The following HADHA variants were observed in gnomAD, a reference collection of about 807,000 sequenced individuals.
HADHA encodes the protein hydroxyacyl-CoA dehydrogenase trifunctional multienzyme complex subunit alpha, also known as trifunctional enzyme subunit alpha, mitochondrial.
A neutral mutation model predicts 91.3 loss-of-function variants in HADHA; 59 were observed. That is an observed-to-expected ratio of 0.65 (90% CI 0.52 to 0.80). The LOEUF (loss-of-function observed/expected upper bound fraction) is 0.80. Among genes scored for constraint, HADHA ranks in the 30% least tolerant of loss-of-function variants. The probability of loss-of-function intolerance (pLI) is 0.00; values close to 1 mark genes in which losing one functional copy is unlikely to be tolerated. For synonymous variants in HADHA, 320 were observed against 338.9 expected, an observed-to-expected ratio of 0.94 and a Z score of 0.61; for missense variants, 800 against 927.6, an observed-to-expected ratio of 0.86 and a Z score of 1.79.
chr2:26,224,953 T>C (rs1670452785), intron 7 of HADHA, among the ~76,000 whole-genome samples: 1 of 152,218 alleles, frequency 6.6e-6, no homozygotes, highest in South Asian at 2.1e-4. Flanking sequence ...ACAAGTATTA[T>C]GAACAGCTTT....
intron 7 of HADHA, among the ~76,000 whole-genome samples, chr2:26,224,618 T>C (rs555591147): frequency 3.9e-5 from 6 of 152,342 alleles, no homozygotes; most frequent in Admixed American, 1.3e-4. Context: ...CATCCTCTTC[T>C]AGGGAAAGGA....
rs149021400 is a variant in HADHA, at chr2:26,193,668, A to G, written c.1794T>C (p.His598=). ...AGACTTTGCCCAGATCTTCCGCCAC[A>G]TGTTTCGCTACATCCACACCAACTT... ...VDEVGVDVAK[H]VAEDLGKVFG... is the part of the protein sequence containing the mutation. Residue 598 remains histidine (H), a synonymous_variant, in exon 17 of 20, where the codon CAT becomes CAC. Transcript: ENST00000380649. 59 of 1,613,786 alleles carry G rather than the reference A, an allele frequency of 3.7e-5. No individual in the cohort carries two copies. The highest frequency in any genetic ancestry group is 5.0e-5 in the Admixed American group (3 of 59,988).
chr2:26,233,026 A>T lies in HADHA; in HGVS notation c.454-747T>A, dbSNP rs577745612. Among the ~76,000 whole-genome samples the T allele has an allele frequency of 5.3e-5, 8 of 152,264 alleles. No homozygotes were observed. The South Asian group carries it at 1.7e-3, about 32-fold the overall frequency. ...CTGTTCCACTTCAAATCATCAGGCA[A>T]TAGAGGCCAATGGAGTGCGCAACCT... On this transcript the variant is annotated intron_variant, in intron 5 of 19. Transcript: ENST00000380649.
rs2289019 is a variant in HADHA, at chr2:26,197,940, G to C, written c.1393-163C>G. Among the ~76,000 whole-genome samples, 125,161 of 152,220 alleles carry C rather than the reference G, an allele frequency of 0.82. 51,823 individuals are homozygous for C. Among genetic ancestry groups the C allele is most frequent in the African/African-American group, 0.93 (38,763 of 41,552 alleles). ...CAGACATTGACGGATCACCTAGGGG[G>C]TTTTGTGTCGGGGAATATGTTGACC... On this transcript the variant is annotated intron_variant, in intron 13 of 19. Transcript: ENST00000380649.
intron 5 of HADHA, among the ~76,000 whole-genome samples, chr2:26,233,441 T>A (rs1413695785): frequency 1.3e-5 from 2 of 152,250 alleles, no homozygotes; most frequent in African/African-American, 4.8e-5. Context: ...GAGTTCAGCA[T>A]GTGAAAAGTG....
intron 16 of HADHA, 93 bp from the exon 17 acceptor site, chr2:26,193,865 A>G (rs1469538563): frequency 4.1e-6 from 4 of 967,714 alleles, no homozygotes; most frequent in Non-Finnish European, 6.7e-6. Context: ...TGCCTTGTGT[A>G]AAACCCACTT....
At chr2:26,204,241 C>G in intron 11 of HADHA, 45 bp from the exon 12 acceptor site, 1 of 1,590,474 alleles carries the variant, frequency 6.3e-7, no homozygotes, top group Non-Finnish European at 8.6e-7. Context: ...TGATCTTAAT[C>G]ATTTCAGTCA....
rs1669530550 is a variant in HADHA at position 26,192,310 on chromosome 2, A to C, written c.2000T>G (p.Val667Gly). Reference protein sequence around the residue: ...ASLKLPPKSEVSSDEDIQFRL... With the variant: ...ASLKLPPKSEGSSDEDIQFRL... ...GCATTAGCCACTCAAACGGACTTAC[A>C]CTTCAGACTTAGGAGGCAGCTTCAG... is the stretch of plus-strand genomic sequence containing the variant. Residue 667 changes from valine to glycine, a missense_variant and splice_region_variant, in exon 18 of 20, where the codon GTC becomes GGC. Val to Gly is a moderately radical substitution (Grantham distance 109). Transcript: ENST00000380649. 1.3e-6 allele frequency: 2 copies of C among 1,515,444 alleles called. No homozygotes were observed. Among genetic ancestry groups the C allele is most frequent in the African/African-American group, 1.4e-5 (1 of 72,978 alleles). 93.9% of individuals were successfully genotyped at this position (1,515,444 alleles called of 1,614,324 possible).
chr2:26,220,387 GA>G (rs1312586797), intron 7 of HADHA, among the ~76,000 whole-genome samples: 3 of 152,210 alleles, frequency 2.0e-5, no homozygotes, highest in Non-Finnish European at 4.4e-5. Context: ...CCTCTACCTA[GA>G]AAAGAGTAAA....
intron 13 of HADHA, among the ~76,000 whole-genome samples, chr2:26,198,461 C>T (rs1054411490): frequency 1.3e-4 from 19 of 151,064 alleles, no homozygotes; most frequent in African/African-American, 3.9e-4. Flanking sequence ...CTGCAACCTC[C>T]GCCTCCCAGT....
intron 7 of HADHA, among the ~76,000 whole-genome samples, chr2:26,216,317 A>ATT (rs11406704): frequency 0.019 from 2,112 of 110,114 alleles, 95 homozygotes; most frequent in East Asian, 0.064. Flanking sequence ...CATTTGACCT[A>ATT]TTTTTTTTTT....
chr2:26,194,930 G>A (rs1200710132), intron 15 of HADHA, among the ~76,000 whole-genome samples, 162 bp downstream of exon 15: 1 of 151,876 alleles, frequency 6.6e-6, no homozygotes, highest in Non-Finnish European at 1.5e-5. Flanking sequence ...CCTTGACTCA[G>A]TGGGACAGTC....
chr2:26,201,561 C>T (rs569930389), intron 12 of HADHA, among the ~76,000 whole-genome samples: 7 of 152,284 alleles, frequency 4.6e-5, no homozygotes, highest in African/African-American at 1.7e-4. Context: ...ATTCTTTCTA[C>T]CATAGAATGC....
intron 7 of HADHA, among the ~76,000 whole-genome samples, chr2:26,227,279 A>G (rs1438050503): frequency 1.3e-5 from 2 of 152,206 alleles, no homozygotes; most frequent in African/African-American, 4.8e-5. Context: ...TGGGAGGCCA[A>G]GGCAGGGGGA....
rs1348209738 is a variant in HADHA at position 26,191,349 on chromosome 2, G to T, written c.2193C>A (p.Asp731Glu). Residue 731 changes from aspartate (D) to glutamate (E), a missense_variant, in exon 20 of 20, where the codon GAC becomes GAA. Coordinates refer to ENST00000380649, the MANE Select transcript of HADHA (RefSeq NM_000182.5). ...VDLYGAQKIV[D>E]RLKKYEAAYG... ...AGGCAGCTTCATATTTCTTGAGCCG[G>T]TCCACTATCTTCTGGGCGCCATACA... is the stretch of plus-strand genomic sequence containing the variant. 5.6e-6 allele frequency: 9 copies of T among 1,614,042 alleles called. No individual in the cohort carries two copies. The highest frequency in any genetic ancestry group is 7.6e-6 in the Non-Finnish European group (9 of 1,180,046).
chr2:26,226,198 T>C (rs536298484), intron 7 of HADHA, among the ~76,000 whole-genome samples: 61 of 152,262 alleles, frequency 4.0e-4, no homozygotes, highest in Non-Finnish European at 6.2e-4. Context: ...ACAGAGAACT[T>C]TACCATGTTC....
At chr2:26,204,999 A>G (rs1669938332) in intron 11 of HADHA, among the ~76,000 whole-genome samples, 1 of 152,062 alleles carries the variant, frequency 6.6e-6, no homozygotes, top group Non-Finnish European at 1.5e-5. Context: ...ACTTCCACAT[A>G]TGCACATTGC....
At chr2:26,243,352 C>T (rs186670302) in intron 1 of HADHA, 18 of 152,222 alleles carry the variant, frequency 1.2e-4, no homozygotes, top group African/African-American at 4.1e-4. Flanking sequence ...GGAAACATAA[C>T]CGAAGGCTAA....
chr2:26,234,946 G>A (rs1356606711), intron 4 of HADHA: 1 of 152,330 alleles, frequency 6.6e-6, no homozygotes, highest in East Asian at 1.9e-4. Flanking sequence ...TAAAAATGAC[G>A]CAAAAGAAAA....
Sources: allele counts gnomAD v4.1 joint callset (sites outside exome capture counted in the v4.1 genomes callset), GRCh38; gene constraint gnomAD v4.1.1; transcripts MANE v1.5; gene names NCBI Gene and HGNC (gene_info 2026-07-23, HGNC 2026-07-21).